FOCAD: variants seen among roughly 807,000 people sequenced by gnomAD.
FOCAD encodes the protein KIAA1797.
A neutral mutation model predicts 225.6 loss-of-function variants in FOCAD; 198 were observed. That is an observed-to-expected ratio of 0.88 (90% CI 0.78 to 0.99). FOCAD has a LOEUF of 0.99. FOCAD is among the 50% of genes least tolerant of loss of function. The probability of loss-of-function intolerance (pLI) is 0.00; values close to 1 mark genes in which losing one functional copy is unlikely to be tolerated. For missense variants in FOCAD, 2,713 were observed against 2,123.6 expected, an observed-to-expected ratio of 1.28 and a Z score of -5.46; for synonymous variants, 897 against 755.0, an observed-to-expected ratio of 1.19 and a Z score of -3.08.
intron 8 of FOCAD, among the ~76,000 whole-genome samples, chr9:20,776,133 G>A (rs1307307124): frequency 6.6e-6 from 1 of 152,166 alleles, no homozygotes; most frequent in Non-Finnish European, 1.5e-5. Flanking sequence ...GCTACTAGTT[G>A]CTTGATCCCA....
chr9:20,947,166 G>A (rs1482472916), intron 30 of FOCAD, among the ~76,000 whole-genome samples: 2 of 152,100 alleles, frequency 1.3e-5, no homozygotes, highest in African/African-American at 4.8e-5. Context: ...GTGACGATAT[G>A]AATACATAGA....
chr9:20,990,915 T>TG (rs1176103745), intron 42 of FOCAD, among the ~76,000 whole-genome samples: 6 of 152,208 alleles, frequency 3.9e-5, no homozygotes, highest in African/African-American at 1.4e-4. Context: ...AGGCACCCAG[T>TG]GTGCCCTGGT....
At chr9:20,805,317 A>G (rs912723707) in intron 11 of FOCAD, among the ~76,000 whole-genome samples, 1 of 152,204 alleles carries the variant, frequency 6.6e-6, no homozygotes, top group Admixed American at 6.5e-5. Context: ...GTGAAGCTTT[A>G]TAACACAGTT....
rs374284178 is a variant in FOCAD, at chr9:20,929,376, A to G, written c.3097A>G (p.Asn1033Asp). 1.2e-6 allele frequency: 2 copies of G among 1,613,910 alleles called. No individual in the cohort carries two copies. Among genetic ancestry groups the G allele is most frequent in the South Asian group, 1.1e-5 (1 of 91,078 alleles). Residue 1033 changes from asparagine to aspartate, a missense_variant, in exon 27 of 44, where the codon AAC becomes GAC. Asn to Asp is a conservative substitution (Grantham distance 23). Transcript: ENST00000338382. ...GTCCTAGAAGTCCTATTCTGGTGAA[A>G]ACACAGCTAGTGCCATTGCCCGTTC... is the stretch of plus-strand genomic sequence containing the variant. ...WFYYKSYSGE[N>D]TASAIARSAA...
rs59407171 is a variant in FOCAD at position 20,705,924 on chromosome 9, GTTTTTTTTT to G, written c.-32-9377_-32-9369del. 5.4e-3 allele frequency among the ~76,000 whole-genome samples: 582 copies of G among 106,908 alleles called. 6 individuals are homozygous for G. The highest frequency in any genetic ancestry group is 0.017 in the African/African-American group (503 of 28,918). The allele number at this position is 106,908 out of a possible 152,430, so 70.1% of individuals were successfully genotyped here. ...CTAGTTAGGCATTATTCAGTTTTAA[GTTTTTTTTT>G]TTTTTTTTTTTTTTTTTTTTAAACA... On this transcript the variant is annotated intron_variant, in intron 1 of 43. Coordinates refer to ENST00000338382, the MANE Select transcript of FOCAD (RefSeq NM_001375567.1).
At chr9:20,892,436 A>C (rs1831695131) in intron 21 of FOCAD, among the ~76,000 whole-genome samples, 1 of 152,164 alleles carries the variant, frequency 6.6e-6, no homozygotes, top group African/African-American at 2.4e-5. Context: ...AGAGGTCAAG[A>C]TATCAATGTT....
At chr9:20,814,689 A>AT (rs989826315) in intron 11 of FOCAD, among the ~76,000 whole-genome samples, 2 of 151,760 alleles carry the variant, frequency 1.3e-5, no homozygotes, top group African/African-American at 4.8e-5. Context: ...TTCTATGTGT[A>AT]TTTTTTTTAT....
chr9:20,736,330 C>T (rs2039392), intron 4 of FOCAD, among the ~76,000 whole-genome samples: 2,443 of 152,150 alleles, frequency 0.016, 128 homozygotes, highest in Admixed American at 0.12. Context: ...GTGAAATTTT[C>T]TTTGACTTTT....
chr9:20,764,471 C>T lies in FOCAD; in HGVS notation c.495-398C>T, dbSNP rs144346314. On this transcript the variant is annotated intron_variant, in intron 6 of 43. Transcript: ENST00000338382. ...GTTTCACCATGTTGGCCAGGATGGT[C>T]TCTATCTCCTGACCTCATGATCTGC... Among the ~76,000 whole-genome samples, 534 of 152,330 alleles carry T rather than the reference C, an allele frequency of 3.5e-3. 5 individuals are homozygous for T. Among genetic ancestry groups the T allele is most frequent in the African/African-American group, 9.9e-3 (410 of 41,574 alleles).
Position 20,862,664 on chromosome 9 carries a change from A to G in FOCAD, c.2007A>G (p.Glu669=), listed in dbSNP as rs1226364135. ...TRPLILKTLS[E]LFSLVPSLTV... ...CTCTCATTCTGAAGACACTGAGTGA[A>G]CTATTTTCTCTAGTTCCTTCCTTAA... Residue 669 remains glutamate (E), a synonymous_variant, in exon 16 of 44, where the codon GAA becomes GAG. Transcript: ENST00000338382. 9 of 1,613,508 alleles carry G rather than the reference A, an allele frequency of 5.6e-6. No individual in the cohort carries two copies. The highest frequency in any genetic ancestry group is 4.4e-5 in the South Asian group (4 of 90,990).
intron 5 of FOCAD, among the ~76,000 whole-genome samples, chr9:20,745,155 G>T (rs1827941422): frequency 6.6e-6 from 1 of 151,402 alleles, no homozygotes; most frequent in African/African-American, 2.4e-5. Flanking sequence ...TGTCACCCAG[G>T]CTGGAGTGCA....
chr9:20,754,148 T>C (rs1438662750), intron 5 of FOCAD, among the ~76,000 whole-genome samples: 4 of 151,900 alleles, frequency 2.6e-5, no homozygotes, highest in Admixed American at 6.6e-5. Flanking sequence ...CTTGAAAAAA[T>C]GGAAAGGCTA....
chr9:20,991,976 C>A (rs1363471412), intron 42 of FOCAD, among the ~76,000 whole-genome samples: 1 of 152,110 alleles, frequency 6.6e-6, no homozygotes, highest in Non-Finnish European at 1.5e-5. Flanking sequence ...TAGCACAAAA[C>A]TGAGAAAAGG....
chr9:20,841,771 T>C (rs990694896), intron 15 of FOCAD, among the ~76,000 whole-genome samples: 1 of 151,824 alleles, frequency 6.6e-6, no homozygotes, highest in African/African-American at 2.4e-5. Context: ...CTTTCATCTT[T>C]GTTATTTCTT....
intron 2 of FOCAD, among the ~76,000 whole-genome samples, chr9:20,664,958 A>ATT (rs35458504): frequency 4.6e-5 from 7 of 151,866 alleles, no homozygotes; most frequent in East Asian, 1.9e-4. Context: ...AAAACACTGC[A>ATT]TTTTTTTAAA....
chr9:20,947,001 T>G (rs767861625), intron 30 of FOCAD, among the ~76,000 whole-genome samples, 181 bp downstream of exon 30: 2 of 152,194 alleles, frequency 1.3e-5, no homozygotes, highest in Non-Finnish European at 2.9e-5. Context: ...TTTTCTCTCC[T>G]TATCCCCTGT....
At chr9:20,694,697 AT>A (rs1396095388) in intron 1 of FOCAD, 1 of 152,204 alleles carries the variant, frequency 6.6e-6, no homozygotes, top group Non-Finnish European at 1.5e-5. Flanking sequence ...AATGAACTTA[AT>A]TTCAACAACA....
rs541690578 is a variant in FOCAD at position 20,793,357 on chromosome 9, C to G, written c.1455+3749C>G. ...ATATATCTGTAGGATAAAAAGCTTT[C>G]AGCTGGCATTTGATCCCTTTTGTGT... On this transcript the variant is annotated intron_variant, in intron 11 of 43. Coordinates refer to ENST00000338382, the MANE Select transcript of FOCAD (RefSeq NM_001375567.1). Among the ~76,000 whole-genome samples, 18 of 152,294 alleles carry G rather than the reference C, an allele frequency of 1.2e-4. No individual in the cohort carries two copies. The South Asian group carries it at 3.3e-3, about 28-fold the overall frequency.
intron 15 of FOCAD, among the ~76,000 whole-genome samples, chr9:20,843,263 C>G (rs1163546388): frequency 6.6e-6 from 1 of 151,968 alleles, no homozygotes; most frequent in Non-Finnish European, 1.5e-5. Flanking sequence ...GATTGAATAA[C>G]TCCTTTAGCA....
Sources: allele counts gnomAD v4.1 joint callset (sites outside exome capture counted in the v4.1 genomes callset), GRCh38; gene constraint gnomAD v4.1.1; transcripts MANE v1.5; gene names NCBI Gene and HGNC (gene_info 2026-07-23, HGNC 2026-07-21).